Variants in ADAM28 observed in about 807,000 individuals in gnomAD.
ADAM28 encodes ADAM metallopeptidase domain 28.
In ADAM28, 105 loss-of-function variants were observed where a neutral mutation model predicts 101.2. The ratio of observed to expected loss-of-function variants is 1.04; its 90% confidence interval spans 0.89 to 1.22. The LOEUF (loss-of-function observed/expected upper bound fraction) is 1.22, where lower values mean the gene tolerates loss of function less well. ADAM28 is among the 50% of genes most tolerant of loss of function. The pLI, the probability that ADAM28 is intolerant of heterozygous loss-of-function variation, is 0.00. For missense variants in ADAM28, 1,028 were observed against 945.4 expected, an observed-to-expected ratio of 1.09 and a Z score of -1.15; for synonymous variants, 322 against 310.6, an observed-to-expected ratio of 1.04 and a Z score of -0.39.
Position 24,321,294 on chromosome 8 carries a change from G to A in ADAM28, c.720+5G>A. The A allele has an allele frequency of 6.3e-7, 1 of 1,596,424 alleles. No individual in the cohort carries two copies. The highest frequency in any genetic ancestry group is 8.6e-7 in the Non-Finnish European group (1 of 1,164,832). On this transcript the variant is annotated splice_donor_5th_base_variant and intron_variant, in intron 8 of 22. Coordinates refer to ENST00000265769, the MANE Select transcript of ADAM28 (RefSeq NM_014265.6). ...ATGGCTAATTATGTCAACATGGTAAGACATATTTTATTACCTGCAGTTTTA... is the reference window on the plus strand; with the variant it reads ...ATGGCTAATTATGTCAACATGGTAAAACATATTTTATTACCTGCAGTTTTA...
chr8:24,346,763 T>C (rs1263445357), intron 18 of ADAM28, among the ~76,000 whole-genome samples: 1 of 152,262 alleles, frequency 6.6e-6, no homozygotes, highest in East Asian at 1.9e-4. Flanking sequence ...CTTTCCTGCC[T>C]CTTTTCAGTC....
At chr8:24,328,340 T>C (rs954174177) in intron 10 of ADAM28, among the ~76,000 whole-genome samples, 1 of 151,940 alleles carries the variant, frequency 6.6e-6, no homozygotes, top group Non-Finnish European at 1.5e-5. Flanking sequence ...TGCCTTGTCC[T>C]TGTTAGTGTA....
chr8:24,324,910 T>C lies in ADAM28; in HGVS notation c.890+907T>C, dbSNP rs570738507. 2.0e-5 allele frequency: 3 copies of C among 152,112 alleles called. No individual in the cohort carries two copies. In the East Asian group the frequency reaches 5.8e-4, roughly 29 times the overall value. 9.4% of individuals were successfully genotyped at this position (152,112 alleles called of 1,614,324 possible). On this transcript the variant is annotated intron_variant, in intron 9 of 22. Transcript: ENST00000265769. ...TGAGATAATGCATCAAGGTTTTTTA[T>C]GACCTAACTACAAAAGTCACAGGGT...
chr8:24,352,892 C>T (rs1027750596), intron 21 of ADAM28, among the ~76,000 whole-genome samples: 1 of 151,938 alleles, frequency 6.6e-6, no homozygotes, highest in Non-Finnish European at 1.5e-5. Context: ...CCACCACCGC[C>T]AATTCCTGCA....
At chr8:24,326,685 C>A in intron 10 of ADAM28, 50 bp downstream of exon 10, 1 of 1,540,420 alleles carries the variant, frequency 6.5e-7, no homozygotes, top group South Asian at 1.2e-5. Flanking sequence ...TTATCAAATG[C>A]TTTTTAAAAA....
chr8:24,309,839 A>G (rs1316530030), intron 2 of ADAM28, 55 bp from the exon 3 acceptor site: 5 of 1,279,420 alleles, frequency 3.9e-6, no homozygotes, highest in Non-Finnish European at 5.6e-6. Context: ...ATAGAAATAT[A>G]ATAGTCAAAT....
At chr8:24,322,388 C>T (rs898810846) in intron 8 of ADAM28, among the ~76,000 whole-genome samples, 3 of 151,778 alleles carry the variant, frequency 2.0e-5, no homozygotes, top group Admixed American at 6.6e-5. Context: ...ATAGTCTCAG[C>T]GAATGTGGAA....
intron 1 of ADAM28, among the ~76,000 whole-genome samples, chr8:24,297,458 T>C (rs551968487): frequency 2.6e-5 from 4 of 152,300 alleles, no homozygotes; most frequent in East Asian, 3.9e-4. Flanking sequence ...TCTGCTTTTA[T>C]ACAAAAAATC....
At position 24,335,518 on chromosome 8, in the gene ADAM28, T is replaced by C; in HGVS notation, c.1444T>C (p.Ser482Pro). The C allele has an allele frequency of 6.2e-7, 1 of 1,614,154 alleles. No homozygotes were observed. Among genetic ancestry groups the C allele is most frequent in the Non-Finnish European group, 8.5e-7 (1 of 1,180,026 alleles). The change falls in exon 14 of 23, where the codon TCT (serine) becomes CCT (proline). Residue 482 changes from serine (S) to proline (P), a missense_variant. Coordinates refer to ENST00000265769, the MANE Select transcript of ADAM28 (RefSeq NM_014265.6). ...CCTGCCTGAAATGTGTAATGGTAAA[T>C]CTGGTAATTGTCCTGATGATAGATT... is the stretch of plus-strand genomic sequence containing the variant. ...CDLPEMCNGK[S>P]GNCPDDRFQV...
chr8:24,314,204 G>T (rs1242786001), intron 6 of ADAM28, among the ~76,000 whole-genome samples: 6 of 152,088 alleles, frequency 3.9e-5, no homozygotes, highest in Non-Finnish European at 8.8e-5. Context: ...ATTTACTCTT[G>T]ATTTTAGCCA....
Position 24,297,661 on chromosome 8 carries a change from G to A in ADAM28, c.47-2313G>A, listed in dbSNP as rs562433429. Among the ~76,000 whole-genome samples the A allele has an allele frequency of 4.6e-5, 7 of 152,328 alleles. No individual in the cohort carries two copies. In the South Asian group the frequency reaches 1.4e-3, roughly 32 times the overall value. On this transcript the variant is annotated intron_variant, in intron 1 of 22. Transcript: ENST00000265769. ...GCTACTGTAATGTACCAGGCAGCACGTGGGTGCCTTATGGTATGCTTGTTT... is the reference window on the plus strand; with the variant it reads ...GCTACTGTAATGTACCAGGCAGCACATGGGTGCCTTATGGTATGCTTGTTT...
At position 24,358,623 on chromosome 8, in the gene ADAM28, G is replaced by C. The variant is rs1816828403; in HGVS notation, c.*4219G>C. 1 of 151,908 alleles carries C rather than the reference G, an allele frequency of 6.6e-6. No homozygotes were observed. Among genetic ancestry groups the C allele is most frequent in the Admixed American group, 6.5e-5 (1 of 15,268 alleles). 9.4% of individuals were successfully genotyped at this position (151,908 alleles called of 1,614,324 possible). A position where few individuals can be genotyped will look rare whatever the true frequency, so the allele number is the denominator to read the frequency against. On this transcript the variant is annotated 3_prime_UTR_variant, in exon 23 of 23. Transcript: ENST00000265769. ...GTCTCTTTTGCTGCTTCCATAAAAA[G>C]GCTTTCCCTTGACAATGTTAGGCAC...
intron 18 of ADAM28, among the ~76,000 whole-genome samples, chr8:24,347,911 A>T (rs984509121): frequency 6.6e-6 from 1 of 152,006 alleles, no homozygotes; most frequent in Non-Finnish European, 1.5e-5. Flanking sequence ...TCACGTTTTA[A>T]GTCTTTTTTT....
chr8:24,351,360 C>A, intron 20 of ADAM28, 50 bp downstream of exon 20: 2 of 1,525,870 alleles, frequency 1.3e-6, no homozygotes, highest in African/African-American at 2.7e-5. Flanking sequence ...CTTTGCGTTT[C>A]TCTCACACTC....
At chr8:24,301,491 A>G (rs1046484623) in intron 2 of ADAM28, among the ~76,000 whole-genome samples, 4 of 152,166 alleles carry the variant, frequency 2.6e-5, no homozygotes, top group African/African-American at 9.7e-5. Flanking sequence ...AAAAAAAAAT[A>G]AGGATTTTTA....
chr8:24,326,796 T>G (rs935172785), intron 10 of ADAM28, among the ~76,000 whole-genome samples, 161 bp downstream of exon 10: 2 of 152,118 alleles, frequency 1.3e-5, no homozygotes, highest in Non-Finnish European at 2.9e-5. Context: ...CATTCCAGTG[T>G]AAACTCAACA....
intron 20 of ADAM28, 53 bp downstream of exon 20, chr8:24,351,363 T>G: frequency 1.3e-6 from 2 of 1,524,278 alleles, no homozygotes; most frequent in Non-Finnish European, 1.8e-6. Context: ...TGCGTTTCTC[T>G]CACACTCTTA....
intron 7 of ADAM28, among the ~76,000 whole-genome samples, chr8:24,320,673 T>C (rs1434220367): frequency 6.6e-6 from 1 of 152,014 alleles, no homozygotes; most frequent in African/African-American, 2.4e-5. Flanking sequence ...TACAAAAGCT[T>C]AATTGGTCAC....
At chr8:24,303,878 GAAATTT>G (rs1164581586) in intron 2 of ADAM28, among the ~76,000 whole-genome samples, 1 of 151,990 alleles carries the variant, frequency 6.6e-6, no homozygotes, top group Non-Finnish European at 1.5e-5. Context: ...GCCATCAGCT[GAAATTT>G]TACAAGTTCA....
Sources: gnomAD v4.1 joint callset for allele counts (sites outside exome capture counted in the v4.1 genomes callset) on GRCh38, gnomAD v4.1.1 for gene constraint, MANE v1.5 for transcripts, NCBI Gene and HGNC (gene_info 2026-07-23, HGNC 2026-07-21) for gene names.